The following SLC27A2 variants were observed in gnomAD, a reference collection of about 807,000 sequenced individuals.
The protein encoded by SLC27A2 is long-chain fatty acid transport protein 2.
SLC27A2 carries 54 observed loss-of-function variants against 60.0 expected under a neutral mutation model. The observed-to-expected ratio is 0.90, with a 90% confidence interval of 0.72 to 1.13. SLC27A2 has a LOEUF of 1.13. Among genes scored for constraint, SLC27A2 ranks in the 50% most tolerant of loss-of-function variants. SLC27A2 has a pLI of 0.00. For missense variants in SLC27A2, 739 were observed against 777.6 expected (o/e 0.95, Z 0.59); for synonymous variants, 297 against 297.6 (o/e 1.00, Z 0.02).
At chr15:50,227,233 C>T in intron 7 of SLC27A2, 55 bp downstream of exon 7, 1 of 1,395,856 alleles carries the variant, frequency 7.2e-7, no homozygotes, top group Non-Finnish European at 1.0e-6. Context: ...GTTTGGCTTA[C>T]TCCTAGTGGA....
At chr15:50,202,190 A>G (rs112319230) in intron 2 of SLC27A2, among the ~76,000 whole-genome samples, 202 of 152,300 alleles carry the variant, frequency 1.3e-3, no homozygotes, top group African/African-American at 4.6e-3. Context: ...CTGTTTTTGT[A>G]AATAAAGTTT....
intron 7 of SLC27A2, among the ~76,000 whole-genome samples, chr15:50,227,821 A>G (rs886268928): frequency 6.6e-6 from 1 of 152,144 alleles, no homozygotes; most frequent in Non-Finnish European, 1.5e-5. Flanking sequence ...CATTTTTTGC[A>G]TGAATGAATG....
chr15:50,228,775 G>T (rs912234251), intron 7 of SLC27A2, among the ~76,000 whole-genome samples, 170 bp from the exon 8 acceptor site: 3 of 152,152 alleles, frequency 2.0e-5, no homozygotes, highest in South Asian at 4.1e-4. Context: ...TCCCTTTTAT[G>T]CCTCAAACAA....
At chr15:50,199,538 G>A (rs2045049233) in intron 2 of SLC27A2, among the ~76,000 whole-genome samples, 1 of 151,682 alleles carries the variant, frequency 6.6e-6, no homozygotes, top group Non-Finnish European at 1.5e-5. Flanking sequence ...AAAAGAGAAT[G>A]AGCATCCTCT....
chr15:50,228,376 C>CAA (rs71124333), intron 7 of SLC27A2, among the ~76,000 whole-genome samples: 3,265 of 76,090 alleles, frequency 0.043, 292 homozygotes, highest in African/African-American at 0.13. Flanking sequence ...GACTCTGCCT[C>CAA]AAAAAAAAAA....
intron 4 of SLC27A2, among the ~76,000 whole-genome samples, chr15:50,218,060 C>CAAAAAA (rs34661754): frequency 4.7e-5 from 3 of 63,896 alleles, no homozygotes; most frequent in African/African-American, 1.4e-4. Flanking sequence ...GACTCTGTCT[C>CAAAAAA]AAAAAAAAAA....
intron 3 of SLC27A2, 37 bp from the exon 4 acceptor site, chr15:50,205,202 C>T (rs2045102105): frequency 2.6e-6 from 4 of 1,556,600 alleles, no homozygotes; most frequent in Non-Finnish European, 2.6e-6. Context: ...TTTTTTCCAC[C>T]ATTTCTTTCT....
intron 1 of SLC27A2, among the ~76,000 whole-genome samples, chr15:50,187,466 C>G (rs2044933693): frequency 6.6e-6 from 1 of 152,152 alleles, no homozygotes; most frequent in Non-Finnish European, 1.5e-5. Flanking sequence ...TACATTTGTT[C>G]CATTTCCATT....
rs1341847938 is a variant in SLC27A2 at position 50,196,055 on chromosome 15, A to AAAAAAAAAAAAATAAAAAT, written c.479-1433_479-1432insTAAAAATAAAAAAAAAAAA. 2.1e-3 allele frequency among the ~76,000 whole-genome samples: 16 copies of AAAAAAAAAAAAATAAAAAT among 7,542 alleles called. 1 individual carries two copies. Among genetic ancestry groups the AAAAAAAAAAAAATAAAAAT allele is most frequent in the Non-Finnish European group, 3.9e-3 (14 of 3,612 alleles). 4.9% of individuals were successfully genotyped at this position (7,542 alleles called of 152,430 possible). On this transcript the variant is annotated intron_variant, in intron 1 of 9. Transcript: ENST00000267842. ...GGCGACAGAGCCAGACTCTGTCTCAAAAAAAAAAAAAAAAAAAAAAAAATA... is the reference window on the plus strand; with the variant it reads ...GGCGACAGAGCCAGACTCTGTCTCAAAAAAAAAAAAAATAAAAATAAAAAAAAAAAAAAAAAAAAAAATA...
chr15:50,225,846 T>A (rs571813717), intron 5 of SLC27A2, 142 bp from the exon 6 acceptor site: 2 of 509,972 alleles, frequency 3.9e-6, no homozygotes, highest in South Asian at 8.0e-5. Flanking sequence ...TCTCTGTCTC[T>A]CTCTGGGTGG....
At chr15:50,192,135 T>G (rs1297367075) in intron 1 of SLC27A2, among the ~76,000 whole-genome samples, 3 of 151,970 alleles carry the variant, frequency 2.0e-5, no homozygotes, top group Non-Finnish European at 4.4e-5. Flanking sequence ...TAAAAGACAT[T>G]AAATATCAAC....
Position 50,218,343 on chromosome 15 carries a change from C to T in SLC27A2, c.973-4622C>T, listed in dbSNP as rs1288491134. On this transcript the variant is annotated intron_variant, in intron 4 of 9. Coordinates refer to ENST00000267842, the MANE Select transcript of SLC27A2 (RefSeq NM_003645.4). Reference sequence around the variant, plus strand: ...AAAATTAGAGACTAATCAAAGAGGTCCCATATATATTTAATTGGAAATCAG... The same window carrying T: ...AAAATTAGAGACTAATCAAAGAGGTTCCATATATATTTAATTGGAAATCAG... 2.0e-5 allele frequency among the ~76,000 whole-genome samples: 3 copies of T among 151,790 alleles called. No individual in the cohort carries two copies. In the South Asian group the frequency reaches 6.2e-4, roughly 32 times the overall value.
At chr15:50,193,360 G>A (rs912140359) in intron 1 of SLC27A2, among the ~76,000 whole-genome samples, 3 of 152,334 alleles carry the variant, frequency 2.0e-5, no homozygotes, top group African/African-American at 7.2e-5. Flanking sequence ...AAAACAGGGA[G>A]AGCGTTTTGC....
chr15:50,230,030 T>C (rs967638615), intron 8 of SLC27A2, among the ~76,000 whole-genome samples: 1 of 147,808 alleles, frequency 6.8e-6, no homozygotes, highest in Non-Finnish European at 1.5e-5. Context: ...GGTCAGGAGA[T>C]CGAGAGTATA....
At chr15:50,191,340 A>G (rs2044972343) in intron 1 of SLC27A2, among the ~76,000 whole-genome samples, 1 of 152,072 alleles carries the variant, frequency 6.6e-6, no homozygotes, top group South Asian at 2.1e-4. Context: ...CTCAGCTGAG[A>G]CCTCTCCCAG....
chr15:50,199,012 C>T lies in SLC27A2; in HGVS notation c.688+1303C>T, dbSNP rs534800585. ...AGGAATGACATATTAAAGCTGGTGC[C>T]CAAAACATAATGTCTATCTTTTTTT... On this transcript the variant is annotated intron_variant, in intron 2 of 9. Coordinates refer to ENST00000267842, the MANE Select transcript of SLC27A2 (RefSeq NM_003645.4). Among the ~76,000 whole-genome samples the T allele has an allele frequency of 1.1e-3, 154 of 143,352 alleles. 1 individual carries two copies. The highest frequency in any genetic ancestry group is 3.6e-3 in the African/African-American group (142 of 39,284). The allele number at this position is 143,352 out of a possible 152,430, so 94.0% of individuals were successfully genotyped here.
At chr15:50,185,086 C>T (rs1347395351) in intron 1 of SLC27A2, among the ~76,000 whole-genome samples, 1 of 152,136 alleles carries the variant, frequency 6.6e-6, no homozygotes, top group Non-Finnish European at 1.5e-5. Flanking sequence ...ATCCCAGGTC[C>T]CCTGAGAGGG....
At chr15:50,232,893 T>C (rs535854063) in intron 8 of SLC27A2, among the ~76,000 whole-genome samples, 2 of 152,150 alleles carry the variant, frequency 1.3e-5, no homozygotes, top group East Asian at 1.9e-4. Flanking sequence ...ATAGGAGAGA[T>C]TTCGAAAGCT....
chr15:50,191,066 T>G (rs1231790923), intron 1 of SLC27A2: 3 of 152,256 alleles, frequency 2.0e-5, no homozygotes, highest in African/African-American at 7.2e-5. Flanking sequence ...CCAGAATGAT[T>G]CTTTTCATTT....
Sources: allele counts gnomAD v4.1 joint callset (sites outside exome capture counted in the v4.1 genomes callset), GRCh38; gene constraint gnomAD v4.1.1; transcripts MANE v1.5; gene names NCBI Gene and HGNC (gene_info 2026-07-23, HGNC 2026-07-21).